PLCE1: variants seen among roughly 807,000 people sequenced by gnomAD.
The protein encoded by PLCE1 is phospholipase C epsilon 1.
In PLCE1, 119 loss-of-function variants were observed where a neutral mutation model predicts 242.8. That is an observed-to-expected ratio of 0.49 (90% CI 0.42 to 0.57). The LOEUF (loss-of-function observed/expected upper bound fraction) is 0.57. PLCE1 is among the 20% of genes least tolerant of loss of function. The probability of loss-of-function intolerance (pLI) is 0.00; values close to 1 mark genes in which losing one functional copy is unlikely to be tolerated. For missense variants in PLCE1, 2,441 were observed against 2,788.8 expected (o/e 0.88, Z 2.81); for synonymous variants, 945 against 1,017.4 (o/e 0.93, Z 1.35).
chr10:94,254,974 T>TCA lies in PLCE1; in HGVS notation c.3479_3480insCA (p.Leu1160PhefsTer42), dbSNP rs1199430567. On this transcript the variant is annotated frameshift_variant, in exon 11 of 33. Coordinates refer to ENST00000371380, the MANE Select transcript of PLCE1 (RefSeq NM_016341.4). LOFTEE classifies it high-confidence loss of function. The stretch of plus-strand genomic sequence containing the variant: ...TTGACCACAGCTGGGTCCCCCAACT[T>TCA]GGCTGCCGGGACGTCATCTCCCATC... The TCA allele has an allele frequency of 6.2e-7, 1 of 1,614,124 alleles. No homozygotes were observed. Among genetic ancestry groups the TCA allele is most frequent in the South Asian group, 1.1e-5 (1 of 91,080 alleles).
rs549660529 is a variant in PLCE1 at position 94,254,533 on chromosome 10, A to G, written c.3397+226A>G. ...TACTGACAGGGAGTATTAGATATAC[A>G]TGGTATAATTTGATGGATTAAACCA... On this transcript the variant is annotated intron_variant, in intron 10 of 32. Transcript: ENST00000371380. Among the ~76,000 whole-genome samples, 3 of 152,352 alleles carry G rather than the reference A, an allele frequency of 2.0e-5. No homozygotes were observed. The South Asian group carries it at 6.2e-4, about 32-fold the overall frequency.
chr10:94,280,067 C>A (rs2052141488), intron 20 of PLCE1, 156 bp downstream of exon 20: 7 of 770,782 alleles, frequency 9.1e-6, no homozygotes, highest in Non-Finnish European at 1.5e-5. Context: ...TAGCAAGGAC[C>A]GAGGAAGGAG....
chr10:94,147,466 AAGAG>A (rs1172157644), intron 3 of PLCE1, among the ~76,000 whole-genome samples: 4 of 101,606 alleles, frequency 3.9e-5, no homozygotes, highest in African/African-American at 6.9e-5. Context: ...GAAAGAGAGA[AAGAG>A]AGAGGAGAGA....
chr10:94,003,906 G>A (rs2060983747), intron 1 of PLCE1, among the ~76,000 whole-genome samples: 1 of 152,186 alleles, frequency 6.6e-6, no homozygotes, highest in Non-Finnish European at 1.5e-5. Flanking sequence ...CCAGCACTAT[G>A]GGAGGCTGAG....
At chr10:94,069,962 A>T (rs777986093) in intron 2 of PLCE1, among the ~76,000 whole-genome samples, 2 of 152,182 alleles carry the variant, frequency 1.3e-5, no homozygotes, top group Non-Finnish European at 2.9e-5. Flanking sequence ...CTCAACTGGC[A>T]ACTCCTAAAA....
intron 3 of PLCE1, among the ~76,000 whole-genome samples, chr10:94,146,177 C>A (rs1036776310): frequency 2.6e-5 from 4 of 152,082 alleles, no homozygotes; most frequent in Non-Finnish European, 5.9e-5. Flanking sequence ...AGGAGAGTGG[C>A]ACTTACAAAC....
intron 2 of PLCE1, among the ~76,000 whole-genome samples, chr10:94,131,841 G>T (rs765039201): frequency 6.6e-6 from 1 of 152,210 alleles, no homozygotes; most frequent in Admixed American, 6.5e-5. Flanking sequence ...AAACCAGAAG[G>T]AAAGGTTTGC....
intron 5 of PLCE1, among the ~76,000 whole-genome samples, chr10:94,230,841 T>C (rs1285760384): frequency 6.6e-6 from 1 of 151,652 alleles, no homozygotes. Context: ...ACTCCTGGCC[T>C]CAAGTGATCT....
chr10:94,214,355 T>C (rs1185878572), intron 4 of PLCE1, among the ~76,000 whole-genome samples: 1 of 152,184 alleles, frequency 6.6e-6, no homozygotes, highest in Non-Finnish European at 1.5e-5. Flanking sequence ...TACACTCTCT[T>C]CCCCACTGGA....
At chr10:94,320,648 C>G (rs1458670742) in intron 29 of PLCE1, among the ~76,000 whole-genome samples, 1 of 152,196 alleles carries the variant, frequency 6.6e-6, no homozygotes, top group East Asian at 1.9e-4. Flanking sequence ...CTGCCAAGAC[C>G]TCACTTGCTG....
At chr10:94,262,001 C>CT (rs72217756) in intron 13 of PLCE1, among the ~76,000 whole-genome samples, 7,148 of 135,222 alleles carry the variant, frequency 0.053, 405 homozygotes, top group African/African-American at 0.14. Context: ...TCTTCTTTTC[C>CT]TTTTTTTTTT....
At chr10:94,310,563 C>T (rs2053356677) in intron 27 of PLCE1, among the ~76,000 whole-genome samples, 1 of 152,080 alleles carries the variant, frequency 6.6e-6, no homozygotes, top group Non-Finnish European at 1.5e-5. Context: ...GTGGCTTCCA[C>T]CTTGTGCAGA....
chr10:94,163,796 G>A (rs1467416207), intron 3 of PLCE1, among the ~76,000 whole-genome samples: 2 of 152,102 alleles, frequency 1.3e-5, no homozygotes, highest in African/African-American at 2.4e-5. Context: ...GGCTGGTACC[G>A]GTTGTTCCTT....
rs2049718281 is a variant in PLCE1, at chr10:94,220,876, TG to T, written c.1810-6427del. ...GGGCACGCACAGGAAACGGTGGGGCTGGGAGTGCACACAGGTCTACCTACCT... is the reference window on the plus strand; with the variant it reads ...GGGCACGCACAGGAAACGGTGGGGCTGGAGTGCACACAGGTCTACCTACCT... On this transcript the variant is annotated intron_variant, in intron 4 of 32. Coordinates refer to ENST00000371380, the MANE Select transcript of PLCE1 (RefSeq NM_016341.4). Among the ~76,000 whole-genome samples the T allele has an allele frequency of 2.6e-5, 4 of 152,168 alleles. No individual in the cohort carries two copies. The South Asian group carries it at 8.3e-4, about 31-fold the overall frequency.
Position 94,246,036 on chromosome 10 carries a change from G to T in PLCE1, c.2511G>T (p.Lys837Asn), listed in dbSNP as rs1386978841. The T allele has an allele frequency of 1.2e-6, 2 of 1,613,970 alleles. No individual in the cohort carries two copies. The highest frequency in any genetic ancestry group is 1.7e-6 in the Non-Finnish European group (2 of 1,179,994). The change falls in exon 8 of 33, where the codon AAG becomes AAT. Residue 837 changes from lysine (K) to asparagine (N), a missense_variant. Physicochemically the swap from Lys to Asn is moderately conservative, Grantham distance 94. Coordinates refer to ENST00000371380, the MANE Select transcript of PLCE1 (RefSeq NM_016341.4). ...YDSHGSEDSQ[K>N]AFDHGTELIP... ...CTCATGGTTCAGAGGACTCACAGAA[G>T]GCCTTCGACCATGGGACGGAGCTCA... is the stretch of plus-strand genomic sequence containing the variant.
intron 22 of PLCE1, among the ~76,000 whole-genome samples, chr10:94,285,839 A>G (rs1037870473): frequency 9.9e-5 from 15 of 152,156 alleles, no homozygotes; most frequent in African/African-American, 3.4e-4. Flanking sequence ...CCCCCAATTG[A>G]CCGTTTTTAG....
At position 94,325,091 on chromosome 10, in the gene PLCE1, C is replaced by T. The variant is rs764937532; in HGVS notation, c.*11C>T. The T allele has an allele frequency of 2.5e-6, 4 of 1,611,992 alleles. No homozygotes were observed. Among genetic ancestry groups the T allele is most frequent in the Non-Finnish European group, 3.4e-6 (4 of 1,178,266 alleles). ...GATTACCGACAGTGACTAAGGGCAG[C>T]ATGTTTAACCCAGGTATAGTAAGTC... is the stretch of plus-strand genomic sequence containing the variant. On this transcript the variant is annotated 3_prime_UTR_variant, in exon 32 of 33. Coordinates refer to ENST00000371380, the MANE Select transcript of PLCE1 (RefSeq NM_016341.4).
chr10:94,245,644 G>C (rs939784669), intron 7 of PLCE1, among the ~76,000 whole-genome samples: 13 of 152,098 alleles, frequency 8.5e-5, no homozygotes, highest in Non-Finnish European at 1.5e-5. Flanking sequence ...ATGCCACCAT[G>C]CCTGACTGAT....
At chr10:94,260,548 C>T (rs956115482) in intron 13 of PLCE1, among the ~76,000 whole-genome samples, 1 of 152,062 alleles carries the variant, frequency 6.6e-6, no homozygotes, top group Non-Finnish European at 1.5e-5. Context: ...ATAAAATCTC[C>T]ATAACCATGG....
Sources: gnomAD v4.1 joint callset for allele counts (sites outside exome capture counted in the v4.1 genomes callset) on GRCh38, gnomAD v4.1.1 for gene constraint, MANE v1.5 for transcripts, NCBI Gene and HGNC (gene_info 2026-07-23, HGNC 2026-07-21) for gene names.